Variants in ZNF273 observed in about 807,000 individuals in gnomAD.
ZNF273 encodes the protein zinc finger protein 9.
ZNF273 carries 11 observed loss-of-function variants against 14.9 expected under a neutral mutation model. The observed-to-expected ratio is 0.74, with a 90% CI of 0.46 to 1.22. The LOEUF is 1.22. Among genes scored for constraint, ZNF273 ranks in the 50% most tolerant of loss-of-function variants. The pLI is 0.00. For missense variants in ZNF273, 577 were observed against 660.6 expected, an observed-to-expected ratio of 0.87 and a Z score of 1.39; for synonymous variants, 199 against 223.9, an observed-to-expected ratio of 0.89 and a Z score of 0.99.
At position 64,912,826 on chromosome 7, in the gene ZNF273, G is replaced by GTTTTTTGTTGTTGTTGTTTTTTTTTT; in HGVS notation, c.103-4749_103-4748insGTTGTTGTTGTTTTTTTTTTTTTTTT. On this transcript the variant is annotated intron_variant, in intron 1 of 3. Coordinates refer to ENST00000476120, the MANE Select transcript of ZNF273 (RefSeq NM_021148.3). ...TCTTTTTGACTCAGGATTCATTTTA[G>GTTTTTTGTTGTTGTTGTTTTTTTTTT]TTTTTTTTTTTTTTTTTTTTGAGAT... 1.9e-3 allele frequency among the ~76,000 whole-genome samples: 70 copies of GTTTTTTGTTGTTGTTGTTTTTTTTTT among 36,570 alleles called. 2 individuals carry two copies. Among genetic ancestry groups the GTTTTTTGTTGTTGTTGTTTTTTTTTT allele is most frequent in the East Asian group, 4.3e-3 (7 of 1,616 alleles). The allele number at this position is 36,570 out of a possible 152,430, so 24.0% of individuals were successfully genotyped here.
At chr7:64,901,842 C>T (rs1257307584), upstream of ZNF273, among the ~76,000 whole-genome samples, 2 of 151,896 alleles carry the variant, frequency 1.3e-5, no homozygotes, top group Admixed American at 6.6e-5. Context: ...CTCAGCTACT[C>T]GGGAGGCTGA....
At chr7:64,887,482 T>C (rs979072331) in intron 1 of ZNF273, among the ~76,000 whole-genome samples, 1 of 152,134 alleles carries the variant, frequency 6.6e-6, no homozygotes, top group Non-Finnish European at 1.5e-5. Context: ...ACTGCTCCAT[T>C]GTGCAGTGTT....
At chr7:64,922,322 G>GT (rs1165141481) in intron 3 of ZNF273, among the ~76,000 whole-genome samples, 1 of 149,496 alleles carries the variant, frequency 6.7e-6, no homozygotes, top group Non-Finnish European at 1.5e-5. Context: ...CTTTGTTTTT[G>GT]TTTTTTTGTT....
At chr7:64,891,080 G>C (rs1434346444), downstream of ZNF273, among the ~76,000 whole-genome samples, 2 of 152,210 alleles carry the variant, frequency 1.3e-5, 1 homozygote, top group Non-Finnish European at 2.9e-5. Flanking sequence ...CCAGAAATGA[G>C]TCACAGGTGG....
At chr7:64,893,938 T>C (rs1313587622), downstream of ZNF273, 2 of 152,150 alleles carry the variant, frequency 1.3e-5, no homozygotes, top group Non-Finnish European at 2.9e-5. Context: ...ATTTCTCATG[T>C]TTTTAATCTA....
chr7:64,936,104 A>G, the ZNF273 span, among the ~76,000 whole-genome samples: 1 of 152,228 alleles, frequency 6.6e-6, no homozygotes, highest in South Asian at 2.1e-4. Context: ...GAATTTTGAT[A>G]GGCAGGAAAA....
chr7:64,931,702 A>G (rs1038483965), downstream of ZNF273, among the ~76,000 whole-genome samples: 1 of 152,152 alleles, frequency 6.6e-6, no homozygotes, highest in Non-Finnish European at 1.5e-5. Flanking sequence ...AGTCATGAGG[A>G]TGCTGTTCTA....
intron 1 of ZNF273, among the ~76,000 whole-genome samples, chr7:64,913,508 T>C (rs2129072325): frequency 6.6e-6 from 1 of 152,374 alleles, no homozygotes; most frequent in South Asian, 2.1e-4. Flanking sequence ...GTAGTACATG[T>C]GTACATGCTG....
chr7:64,882,088 C>T (rs968380771), downstream of ZNF273, among the ~76,000 whole-genome samples: 4 of 152,156 alleles, frequency 2.6e-5, no homozygotes, highest in African/African-American at 7.2e-5. Flanking sequence ...CCCTAAACGG[C>T]CCGGGATGAA....
At chr7:64,911,020 C>T (rs541827786) in intron 1 of ZNF273, among the ~76,000 whole-genome samples, 1 of 152,200 alleles carries the variant, frequency 6.6e-6, no homozygotes, top group Non-Finnish European at 1.5e-5. Context: ...CCCACCTCGG[C>T]TTCCCAAAGT....
downstream of ZNF273, among the ~76,000 whole-genome samples, chr7:64,881,400 T>C (rs1791250299): frequency 6.6e-6 from 1 of 152,240 alleles, no homozygotes; most frequent in African/African-American, 2.4e-5. Context: ...AATGAGTGTT[T>C]CCTTCTAAAC....
intron 1 of ZNF273, among the ~76,000 whole-genome samples, chr7:64,910,571 G>T (rs1321213248): frequency 6.6e-6 from 1 of 151,418 alleles, no homozygotes; most frequent in African/African-American, 2.4e-5. Context: ...GTACCATGCT[G>T]CTTTGGTAAC....
intron 1 of ZNF273, among the ~76,000 whole-genome samples, chr7:64,887,177 A>T (rs966201830): frequency 2.0e-5 from 3 of 152,160 alleles, no homozygotes; most frequent in Non-Finnish European, 4.4e-5. Context: ...GTCTATCATT[A>T]TTTTCTGATG....
At chr7:64,885,778 G>A (rs1168474673) in intron 1 of ZNF273, among the ~76,000 whole-genome samples, 1 of 152,214 alleles carries the variant, frequency 6.6e-6, no homozygotes, top group Non-Finnish European at 1.5e-5. Context: ...GCGGTGCTGG[G>A]GCCACAGTGC....
chr7:64,907,293 G>A (rs564900044), intron 1 of ZNF273, among the ~76,000 whole-genome samples: 1 of 152,272 alleles, frequency 6.6e-6, no homozygotes, highest in Middle Eastern at 3.4e-3. Flanking sequence ...TTCCTGGAGA[G>A]CACAAAGGAT....
chr7:64,887,891 G>A (rs1791695225), intron 1 of ZNF273, among the ~76,000 whole-genome samples: 1 of 151,770 alleles, frequency 6.6e-6, no homozygotes. Context: ...AGGGGTGGTC[G>A]GGTGGGTCAC....
Position 64,913,395 on chromosome 7 carries a change from G to A in ZNF273, c.103-4186G>A, listed in dbSNP as rs556655712. On this transcript the variant is annotated intron_variant, in intron 1 of 3. Transcript: ENST00000476120. ...TTGGTACTAGCTCCCAGGGTGTTAC[G>A]AGGATTCAATCACATAATGTGTTAT... Among the ~76,000 whole-genome samples the A allele has an allele frequency of 1.6e-4, 25 of 152,336 alleles. No individual in the cohort carries two copies. In the East Asian group the frequency reaches 4.6e-3, roughly 28 times the overall value.
intron 3 of ZNF273, among the ~76,000 whole-genome samples, chr7:64,922,068 A>T (rs1794503550): frequency 6.6e-6 from 1 of 150,876 alleles, no homozygotes; most frequent in Non-Finnish European, 1.5e-5. Flanking sequence ...AGTCTCTTGT[A>T]GGCAGCATAT....
intron 3 of ZNF273, among the ~76,000 whole-genome samples, chr7:64,920,277 C>T (rs1212693390): frequency 6.6e-6 from 1 of 152,036 alleles, no homozygotes; most frequent in East Asian, 1.9e-4. Context: ...GACACCAGGG[C>T]AGGTTTTTGC....
Sources: allele counts gnomAD v4.1 joint callset (sites outside exome capture counted in the v4.1 genomes callset), GRCh38; gene constraint gnomAD v4.1.1; transcripts MANE v1.5; gene names NCBI Gene and HGNC (gene_info 2026-07-23, HGNC 2026-07-21).